TBC1D4: variants seen among roughly 807,000 people sequenced by gnomAD.
TBC1D4 encodes TBC1 domain family member 4.
Under a neutral mutation model 142.5 loss-of-function variants are expected in TBC1D4, and 121 were observed. That is an observed-to-expected ratio of 0.85 (90% confidence interval 0.73 to 0.99). The LOEUF is 0.99. Among genes scored for constraint, TBC1D4 ranks in the 50% least tolerant of loss-of-function variants. The pLI is 0.00. For missense variants in TBC1D4, 1,475 were observed against 1,606.6 expected (o/e 0.92, Z 1.40); for synonymous variants, 630 against 628.2 (o/e 1.00, Z -0.04).
chr13:75,285,867 T>C lies in TBC1D4; in HGVS notation c.*925A>G, dbSNP rs898010722. 1 of 152,582 alleles carries C rather than the reference T, an allele frequency of 6.6e-6. No homozygotes were observed. The highest frequency in any genetic ancestry group is 1.5e-5 in the Non-Finnish European group (1 of 68,022). 9.5% of individuals were successfully genotyped at this position (152,582 alleles called of 1,614,324 possible). A position where few individuals can be genotyped will look rare whatever the true frequency, so the allele number is the denominator to read the frequency against. ...AAGCACTCACAATTTGGTGGGAAAG[T>C]GGCAAATCCTTGTCATTTGGTGACT... On this transcript the variant is annotated 3_prime_UTR_variant, in exon 21 of 21. Transcript: ENST00000377636.
At chr13:75,372,611 T>C (rs987183396) in intron 1 of TBC1D4, among the ~76,000 whole-genome samples, 11 of 152,192 alleles carry the variant, frequency 7.2e-5, no homozygotes, top group Non-Finnish European at 1.6e-4. Flanking sequence ...ACACCACTTG[T>C]ACTTGCTCCA....
intron 1 of TBC1D4, among the ~76,000 whole-genome samples, chr13:75,379,887 C>CTTTTTTTTT (rs750734086): frequency 1.0e-5 from 1 of 98,606 alleles, no homozygotes; most frequent in African/African-American, 3.5e-5. Flanking sequence ...TCATCTGACT[C>CTTTTTTTTT]TTTTTTTTTT....
Position 75,481,335 on chromosome 13 carries a change from C to T in TBC1D4, c.433G>A (p.Ala145Thr). Residue 145 changes from alanine to threonine, a missense_variant, in exon 1 of 21, where the codon GCG becomes ACG. By Grantham distance (58) the Ala-to-Thr change is moderately conservative. This residue lies in a region of TBC1D4 where 1,227 missense variants were observed against 1,267.7 expected (regional missense o/e 0.97). Transcript: ENST00000377636. Reference protein sequence around the residue: ...DLTYFAYLIKAQPDDPESQMA... With the variant: ...DLTYFAYLIKTQPDDPESQMA... ...TGCGACTCGGGGTCGTCGGGCTGCGCCTTGATCAGGTAGGCAAAGTAGGTG... is the reference window on the plus strand; with the variant it reads ...TGCGACTCGGGGTCGTCGGGCTGCGTCTTGATCAGGTAGGCAAAGTAGGTG... The T allele has an allele frequency of 6.2e-7, 1 of 1,613,924 alleles. No homozygotes were observed. The highest frequency in any genetic ancestry group is 8.5e-7 in the Non-Finnish European group (1 of 1,179,828).
At chr13:75,389,898 C>T (rs1387013007) in intron 1 of TBC1D4, among the ~76,000 whole-genome samples, 4 of 152,156 alleles carry the variant, frequency 2.6e-5, no homozygotes, top group Admixed American at 6.5e-5. Context: ...AGGAAATTCT[C>T]AGCAAACCAG....
intron 1 of TBC1D4, among the ~76,000 whole-genome samples, chr13:75,449,481 T>G (rs1887438649): frequency 6.6e-6 from 1 of 152,048 alleles, no homozygotes; most frequent in African/African-American, 2.4e-5. Context: ...GTATGCAATA[T>G]TTTTGGACCA....
At chr13:75,313,931 C>A (rs977740497) in intron 12 of TBC1D4, among the ~76,000 whole-genome samples, 1 of 152,082 alleles carries the variant, frequency 6.6e-6, no homozygotes, top group Admixed American at 6.5e-5. Context: ...ATAGAAATTC[C>A]CCAACTTATT....
intron 1 of TBC1D4, among the ~76,000 whole-genome samples, chr13:75,435,213 A>G (rs1886748492): frequency 6.6e-6 from 1 of 151,998 alleles, no homozygotes; most frequent in Admixed American, 6.6e-5. Context: ...AGAAACTATC[A>G]ACAGTAAACA....
intron 1 of TBC1D4, among the ~76,000 whole-genome samples, chr13:75,367,655 G>A (rs1022907947): frequency 4.6e-5 from 7 of 152,128 alleles, no homozygotes; most frequent in African/African-American, 1.7e-4. Flanking sequence ...TATTTGGTTT[G>A]GAAGTAATGC....
At chr13:75,302,143 G>A in intron 16 of TBC1D4, 100 bp downstream of exon 16, 1 of 1,445,230 alleles carries the variant, frequency 6.9e-7, no homozygotes, top group South Asian at 1.2e-5. Flanking sequence ...ATGCCAACAG[G>A]TGCTCTTTAT....
chr13:75,425,023 T>C (rs535297212), intron 1 of TBC1D4, among the ~76,000 whole-genome samples: 10 of 152,140 alleles, frequency 6.6e-5, no homozygotes, highest in African/African-American at 2.4e-4. Context: ...AAAAAGCTTC[T>C]GCACAGCAAA....
chr13:75,368,773 T>TCA (rs1314617793), intron 1 of TBC1D4, among the ~76,000 whole-genome samples: 1 of 152,134 alleles, frequency 6.6e-6, no homozygotes, highest in African/African-American at 2.4e-5. Context: ...GCGTAGTGGG[T>TCA]CACACCTGTA....
At chr13:75,301,816 T>C (rs577115756) in intron 16 of TBC1D4, among the ~76,000 whole-genome samples, 3 of 152,160 alleles carry the variant, frequency 2.0e-5, no homozygotes, top group Admixed American at 6.5e-5. Context: ...AAGTGACATA[T>C]AAAGGATTGT....
rs1878043990 is a variant in TBC1D4, at chr13:75,314,039, T to C, written c.2223-1141A>G. Among the ~76,000 whole-genome samples, 6 of 152,284 alleles carry C rather than the reference T, an allele frequency of 3.9e-5. No homozygotes were observed. The South Asian group carries it at 1.2e-3, about 32-fold the overall frequency. The stretch of plus-strand genomic sequence containing the variant: ...TAGTGCATAAGAAAATGCTCCTCTA[T>C]TGTCAAAATTTCATTTCCTAAAAAA... On this transcript the variant is annotated intron_variant, in intron 12 of 20. Transcript: ENST00000377636.
In TBC1D4 at chr13:75,293,214, T is replaced by C. The variant is rs557474615; in HGVS notation, c.3317-943A>G. Among the ~76,000 whole-genome samples, 758 of 152,304 alleles carry C rather than the reference T, an allele frequency of 5.0e-3. 6 individuals carry two copies. Among genetic ancestry groups the C allele is most frequent in the Middle Eastern group, 0.017 (5 of 294 alleles). On this transcript the variant is annotated intron_variant, in intron 18 of 20. Coordinates refer to ENST00000377636, the MANE Select transcript of TBC1D4 (RefSeq NM_014832.5). Reference sequence around the variant, plus strand: ...GTACTTAGTACTTTTTTATGAAAGTTTCTCTCAATCTATGTCATTCTTTAA... The same window carrying C: ...GTACTTAGTACTTTTTTATGAAAGTCTCTCTCAATCTATGTCATTCTTTAA...
rs769741536 is a variant in TBC1D4 at position 75,302,268 on chromosome 13, C to T, written c.2886G>A (p.Gln962=). ...CTAAATCCACGAGAATCGCATGCTGCTGAGCAGTGAGCTGCTTCAAAAGTT... is the reference window on the plus strand; with the variant it reads ...CTAAATCCACGAGAATCGCATGCTGTTGAGCAGTGAGCTGCTTCAAAAGTT... The part of the protein sequence containing the change: ...YKELLKQLTA[Q]QHAILVDLGR... Residue 962 remains glutamine, a synonymous_variant, in exon 16 of 21, where the codon CAG becomes CAA. Coordinates refer to ENST00000377636, the MANE Select transcript of TBC1D4 (RefSeq NM_014832.5). The T allele has an allele frequency of 9.3e-6, 15 of 1,614,200 alleles. No homozygotes were observed. The South Asian group carries it at 1.6e-4, about 18-fold the overall frequency.
intron 8 of TBC1D4, among the ~76,000 whole-genome samples, chr13:75,329,626 T>C (rs915167392): frequency 6.6e-6 from 1 of 152,192 alleles, no homozygotes; most frequent in African/African-American, 2.4e-5. Context: ...TGGTCCCATG[T>C]CTTCTCCTTT....
At chr13:75,463,445 C>T (rs1490525843) in intron 1 of TBC1D4, among the ~76,000 whole-genome samples, 2 of 152,180 alleles carry the variant, frequency 1.3e-5, no homozygotes, top group African/African-American at 4.8e-5. Flanking sequence ...CATTTTTAAA[C>T]AGAGATTCCC....
At chr13:75,453,818 T>G (rs1887622829) in intron 1 of TBC1D4, among the ~76,000 whole-genome samples, 1 of 150,882 alleles carries the variant, frequency 6.6e-6, no homozygotes, top group Non-Finnish European at 1.5e-5. Flanking sequence ...GCCGTGATAG[T>G]GCCACTGCCA....
chr13:75,417,895 C>A (rs1885989177), intron 1 of TBC1D4, among the ~76,000 whole-genome samples: 1 of 152,126 alleles, frequency 6.6e-6, no homozygotes, highest in African/African-American at 2.4e-5. Context: ...GTTATGCAAT[C>A]TTGAGTAAGT....
Sources: allele counts gnomAD v4.1 joint callset (sites outside exome capture counted in the v4.1 genomes callset), GRCh38; gene constraint gnomAD v4.1.1; regional missense constraint gnomAD v4.1.1; transcripts MANE v1.5; gene names NCBI Gene and HGNC (gene_info 2026-07-23, HGNC 2026-07-21).